RAB6B: variants seen among roughly 807,000 people sequenced by gnomAD.
The protein encoded by RAB6B is ras-related protein Rab-6B.
Under a neutral mutation model 31.2 loss-of-function variants are expected in RAB6B, and 7 were observed. That is an observed-to-expected ratio of 0.22 (90% CI 0.13 to 0.42). RAB6B has a LOEUF of 0.42. RAB6B is among the 10% of genes least tolerant of loss of function. The pLI, the probability that RAB6B is intolerant of heterozygous loss-of-function variation, is 1.00. For synonymous variants in RAB6B, 105 were observed against 104.9 expected, an observed-to-expected ratio of 1.00 and a Z score of -0.01; for missense variants, 149 against 280.6, an observed-to-expected ratio of 0.53 and a Z score of 3.35.
At chr3:133,855,898 C>T (rs187045691) in intron 2 of RAB6B, among the ~76,000 whole-genome samples, 13 of 152,266 alleles carry the variant, frequency 8.5e-5, no homozygotes, top group East Asian at 3.9e-4. Context: ...TAGAGGCTAA[C>T]GGTAATGGTG....
chr3:133,882,443 C>T (rs2108013003), intron 1 of RAB6B, among the ~76,000 whole-genome samples: 1 of 152,306 alleles, frequency 6.6e-6, no homozygotes, highest in South Asian at 2.1e-4. Context: ...GTTGTGTCTA[C>T]CACACCATCT....
At position 133,826,478 on chromosome 3, in the gene RAB6B, G is replaced by A. The variant is rs1468084361; in HGVS notation, c.*2310C>T. 6.6e-6 allele frequency: 1 copy of A among 152,646 alleles called. No individual in the cohort carries two copies. The highest frequency in any genetic ancestry group is 6.5e-5 in the Admixed American group (1 of 15,292). The allele number at this position is 152,646 out of a possible 1,614,324, so 9.5% of individuals were successfully genotyped here. A position where few individuals can be genotyped will look rare whatever the true frequency, so the allele number is the denominator to read the frequency against. ...TCACTGAGACCCAGTGCAGATTCCT[G>A]TAAATGGGGCGGTCTCAGAGGCCAC... On this transcript the variant is annotated 3_prime_UTR_variant, in exon 8 of 8. Coordinates refer to ENST00000285208, the MANE Select transcript of RAB6B (RefSeq NM_016577.4).
At chr3:133,842,143 T>G (rs368004400) in intron 2 of RAB6B, among the ~76,000 whole-genome samples, 1 of 152,210 alleles carries the variant, frequency 6.6e-6, no homozygotes. Flanking sequence ...TGCTGCTGTG[T>G]GGGTGCAAAC....
chr3:133,850,630 G>GA (rs1276685288), intron 2 of RAB6B, among the ~76,000 whole-genome samples: 1 of 151,660 alleles, frequency 6.6e-6, no homozygotes, highest in South Asian at 2.1e-4. Context: ...AGCATAAAGA[G>GA]AAAAAAAATT....
intron 1 of RAB6B, chr3:133,885,669 T>C: frequency 1.4e-6 from 1 of 701,940 alleles, no homozygotes; most frequent in Admixed American, 2.0e-5. Context: ...CAGGGCACTG[T>C]GGAGATAGGA....
chr3:133,849,144 C>T (rs1464920126), intron 2 of RAB6B, among the ~76,000 whole-genome samples: 3 of 152,172 alleles, frequency 2.0e-5, no homozygotes, highest in Admixed American at 6.5e-5. Flanking sequence ...ATTCAGAATT[C>T]AAGATTCACC....
At chr3:133,895,313 TG>T in intron 1 of RAB6B, 83 bp downstream of exon 1, 1 of 1,447,510 alleles carries the variant, frequency 6.9e-7, no homozygotes. Flanking sequence ...TTTCCGAGCC[TG>T]GGCCGGGGGT....
At position 133,841,604 on chromosome 3, in the gene RAB6B, G is replaced by A; in HGVS notation, c.183+6C>T. On this transcript the variant is annotated splice_donor_region_variant and intron_variant, in intron 3 of 7. Transcript: ENST00000285208. ...GCCCCTCCCAGTCCTGATATTAGGT[G>A]CTCACCGTGCGGTCCTCCAAGTACA... 1 of 1,613,210 alleles carries A rather than the reference G, an allele frequency of 6.2e-7. No individual in the cohort carries two copies. Among genetic ancestry groups the A allele is most frequent in the Non-Finnish European group, 8.5e-7 (1 of 1,179,544 alleles).
chr3:133,834,708 T>G, intron 6 of RAB6B, 67 bp from the exon 7 acceptor site: 1 of 1,439,358 alleles, frequency 6.9e-7, no homozygotes, highest in Non-Finnish European at 9.8e-7. Flanking sequence ...TCACTGCACC[T>G]GCACCCTCAC....
chr3:133,841,700 G>A (rs1410125875), intron 2 of RAB6B, 37 bp from the exon 3 acceptor site: 2 of 1,610,118 alleles, frequency 1.2e-6, no homozygotes, highest in Admixed American at 1.7e-5. Context: ...AAAATCAAAA[G>A]GTCTCATGCA....
At chr3:133,890,498 G>C (rs544227258) in intron 1 of RAB6B, among the ~76,000 whole-genome samples, 26 of 152,198 alleles carry the variant, frequency 1.7e-4, no homozygotes, top group African/African-American at 6.3e-4. Context: ...CCAGCTACTC[G>C]GGAGGCTGAG....
At chr3:133,883,950 T>C (rs1936503471) in intron 1 of RAB6B, among the ~76,000 whole-genome samples, 1 of 152,130 alleles carries the variant, frequency 6.6e-6, no homozygotes, top group Non-Finnish European at 1.5e-5. Flanking sequence ...GGCTGTGTTG[T>C]TTGTGGCCCA....
chr3:133,841,018 C>T (rs1935817766), intron 4 of RAB6B, among the ~76,000 whole-genome samples: 1 of 152,154 alleles, frequency 6.6e-6, no homozygotes, highest in Non-Finnish European at 1.5e-5. Flanking sequence ...GCTCACACCA[C>T]AAGCTGGCCT....
At chr3:133,835,816 GA>G (rs929805974) in intron 6 of RAB6B, among the ~76,000 whole-genome samples, 3 of 152,110 alleles carry the variant, frequency 2.0e-5, no homozygotes, top group African/African-American at 7.2e-5. Flanking sequence ...GATGCAGCAG[GA>G]AGGTGCCATC....
chr3:133,842,117 G>C (rs1003950962), intron 2 of RAB6B, among the ~76,000 whole-genome samples: 1 of 152,250 alleles, frequency 6.6e-6, no homozygotes, highest in Admixed American at 6.5e-5. Context: ...GAGGCAGGGG[G>C]CAGGAGCAGG....
At chr3:133,886,616 A>G (rs895141869) in intron 1 of RAB6B, among the ~76,000 whole-genome samples, 3 of 152,188 alleles carry the variant, frequency 2.0e-5, no homozygotes, top group South Asian at 2.1e-4. Context: ...CATCTGTGTA[A>G]AAGCCTTCAC....
chr3:133,866,866 C>T (rs529206433), intron 1 of RAB6B, among the ~76,000 whole-genome samples: 2 of 152,366 alleles, frequency 1.3e-5, no homozygotes, highest in African/African-American at 4.8e-5. Flanking sequence ...CATCCCAGGG[C>T]ACGCTGGTCA....
intron 2 of RAB6B, among the ~76,000 whole-genome samples, chr3:133,860,667 G>C (rs2108001530): frequency 6.6e-6 from 1 of 152,294 alleles, no homozygotes; most frequent in Non-Finnish European, 1.5e-5. Flanking sequence ...CAGCCACTCT[G>C]TTCCCAGGCT....
rs79335154 is a variant in RAB6B at position 133,840,540 on chromosome 3, G to T, written c.289+745C>A. 9.2e-3 allele frequency among the ~76,000 whole-genome samples: 1,396 copies of T among 152,342 alleles called. 21 individuals are homozygous for T. The highest frequency in any genetic ancestry group is 0.031 in the African/African-American group (1,288 of 41,586). ...GCAGAGCCAGGGCAGCAGGCTGGGT[G>T]GCGGGGGCATGCACCAGCGCGGGGA... On this transcript the variant is annotated intron_variant, in intron 4 of 7. Coordinates refer to ENST00000285208, the MANE Select transcript of RAB6B (RefSeq NM_016577.4).
Sources: gnomAD v4.1 joint callset for allele counts (sites outside exome capture counted in the v4.1 genomes callset) on GRCh38, gnomAD v4.1.1 for gene constraint, MANE v1.5 for transcripts, NCBI Gene and HGNC (gene_info 2026-07-23, HGNC 2026-07-21) for gene names.